GLCCI1: variants seen among roughly 807,000 people sequenced by gnomAD.
GLCCI1 encodes glucocorticoid induced 1, also known as glucocorticoid-induced transcript 1 protein.
Under a neutral mutation model 52.2 loss-of-function variants are expected in GLCCI1, and 24 were observed. The observed-to-expected ratio is 0.46, with a 90% CI of 0.33 to 0.65. The LOEUF is 0.65. Ranked by LOEUF, GLCCI1 falls within the 30% of genes least tolerant of loss-of-function variation. GLCCI1 has a pLI of 0.02. For synonymous variants in GLCCI1, 310 were observed against 276.5 expected (o/e 1.12, Z -1.20); for missense variants, 704 against 701.5 (o/e 1.00, Z -0.04).
At chr7:8,008,296 T>C (rs1327986849) in intron 2 of GLCCI1, among the ~76,000 whole-genome samples, 3 of 151,842 alleles carry the variant, frequency 2.0e-5, no homozygotes, top group African/African-American at 7.3e-5. Flanking sequence ...TCTTTTTTTT[T>C]TTTTTTTGAG....
At chr7:7,983,492 G>A (rs555633243) in intron 1 of GLCCI1, among the ~76,000 whole-genome samples, 1 of 152,044 alleles carries the variant, frequency 6.6e-6, no homozygotes, top group African/African-American at 2.4e-5. Flanking sequence ...TTATAACTCT[G>A]TATTCAAGGT....
intron 4 of GLCCI1, 61 bp downstream of exon 4, chr7:8,055,610 C>T: frequency 2.1e-6 from 2 of 962,760 alleles, no homozygotes; most frequent in Middle Eastern, 2.1e-4. Context: ...GAAGGGAATT[C>T]ATCATTTCAG....
At chr7:8,007,993 T>C (rs1199993807) in intron 2 of GLCCI1, among the ~76,000 whole-genome samples, 2 of 152,178 alleles carry the variant, frequency 1.3e-5, no homozygotes, top group African/African-American at 4.8e-5. Flanking sequence ...TATTTATATA[T>C]TAATGGTGTA....
chr7:8,029,235 C>T (rs184748094), intron 3 of GLCCI1, among the ~76,000 whole-genome samples: 2 of 152,162 alleles, frequency 1.3e-5, no homozygotes, highest in African/African-American at 4.8e-5. Context: ...TTCAGCAATA[C>T]TTTAAAAAGA....
intron 6 of GLCCI1, among the ~76,000 whole-genome samples, chr7:8,082,147 G>A (rs1783009326): frequency 1.3e-5 from 2 of 152,162 alleles, no homozygotes; most frequent in South Asian, 4.1e-4. Context: ...TTATTGAAAT[G>A]TGGCTATTAA....
In GLCCI1 at chr7:8,084,909, G is replaced by C; in HGVS notation, c.1190G>C (p.Ser397Thr). ...LYDRDKDSGSSSPLPKYASSP... is the reference protein window; with the variant it reads ...LYDRDKDSGSTSPLPKYASSP... ...TTTAAATTTACAGACAGTGGGAGTA[G>C]CTCACCGTTACCCAAGTATGCTTCA... The change falls in exon 7 of 8, where the codon AGC (serine) becomes ACC (threonine). Residue 397 changes from serine (S) to threonine (T), a missense_variant. By Grantham distance (58) the Ser-to-Thr change is moderately conservative (BLOSUM62 1). Around this residue, in one of 3 missense-constraint regions of GLCCI1, gnomAD observed 547 missense variants for 524.8 expected, o/e 1.04. Transcript: ENST00000223145. 1 of 1,614,024 alleles carries C rather than the reference G, an allele frequency of 6.2e-7. No homozygotes were observed. Among genetic ancestry groups the C allele is most frequent in the African/African-American group, 1.3e-5 (1 of 75,026 alleles).
chr7:8,008,189 C>A (rs1237825194), intron 2 of GLCCI1, among the ~76,000 whole-genome samples: 1 of 151,940 alleles, frequency 6.6e-6, no homozygotes. Flanking sequence ...TTTCTTGTAA[C>A]TGAAATTTTG....
chr7:7,985,939 T>G lies in GLCCI1; in HGVS notation c.457+16132T>G, dbSNP rs1350915665. On this transcript the variant is annotated intron_variant, in intron 1 of 7. Coordinates refer to ENST00000223145, the MANE Select transcript of GLCCI1 (RefSeq NM_138426.4). ...CATTGAAAAGTATAATTACTGCATTTCTATTGGCTGGAAATGAGTATTTTT... is the reference window on the plus strand; with the variant it reads ...CATTGAAAAGTATAATTACTGCATTGCTATTGGCTGGAAATGAGTATTTTT... Among the ~76,000 whole-genome samples the G allele has an allele frequency of 2.6e-5, 4 of 152,320 alleles. No individual in the cohort carries two copies. The East Asian group carries it at 7.7e-4, about 29-fold the overall frequency.
chr7:8,074,542 A>G (rs1244596689), intron 6 of GLCCI1, among the ~76,000 whole-genome samples: 8 of 152,186 alleles, frequency 5.3e-5, no homozygotes, highest in Admixed American at 3.3e-4. Flanking sequence ...AAAGTTAGCC[A>G]GGTATGGTGG....
At chr7:8,017,202 T>C (rs895904954) in intron 2 of GLCCI1, among the ~76,000 whole-genome samples, 5 of 152,224 alleles carry the variant, frequency 3.3e-5, no homozygotes, top group African/African-American at 9.6e-5. Flanking sequence ...GCACTATTTT[T>C]ATGACTTCAG....
intron 4 of GLCCI1, 22 bp from the exon 5 acceptor site, chr7:8,060,074 C>A: frequency 6.3e-7 from 1 of 1,579,850 alleles, no homozygotes; most frequent in Non-Finnish European, 8.6e-7. Flanking sequence ...TAATTTGATA[C>A]CACCTTTATC....
intron 6 of GLCCI1, among the ~76,000 whole-genome samples, chr7:8,081,686 T>C (rs1189075440): frequency 6.6e-6 from 1 of 152,212 alleles, no homozygotes; most frequent in Non-Finnish European, 1.5e-5. Context: ...AATTCCAAAC[T>C]TGAATAACTT....
rs1332435539 is a variant in GLCCI1, at chr7:7,970,184, C to G, written c.457+377C>G. On this transcript the variant is annotated intron_variant, in intron 1 of 7. Coordinates refer to ENST00000223145, the MANE Select transcript of GLCCI1 (RefSeq NM_138426.4). ...ATAAGGTGGCGGTTGTAATCTCTACCGTCTCTTTGTGCTTTTCTGCAAAGT... is the reference window on the plus strand; with the variant it reads ...ATAAGGTGGCGGTTGTAATCTCTACGGTCTCTTTGTGCTTTTCTGCAAAGT... Among the ~76,000 whole-genome samples the G allele has an allele frequency of 2.6e-5, 4 of 152,276 alleles. No individual in the cohort carries two copies. In the East Asian group the frequency reaches 5.8e-4, roughly 22 times the overall value.
intron 5 of GLCCI1, among the ~76,000 whole-genome samples, chr7:8,062,724 G>T (rs2127961631): frequency 6.6e-6 from 1 of 152,184 alleles, no homozygotes; most frequent in South Asian, 2.1e-4. Context: ...TATAGTATTT[G>T]GTTTTCTGTT....
chr7:7,978,782 C>G (rs73674757), intron 1 of GLCCI1, among the ~76,000 whole-genome samples: 20,814 of 152,078 alleles, frequency 0.14, 1,573 homozygotes, highest in East Asian at 0.21. Flanking sequence ...ATAATAAAAA[C>G]AGTAGGACTC....
At chr7:7,987,989 C>G (rs930695482) in intron 1 of GLCCI1, among the ~76,000 whole-genome samples, 1 of 152,128 alleles carries the variant, frequency 6.6e-6, no homozygotes, top group Non-Finnish European at 1.5e-5. Context: ...TTGAGAACAA[C>G]AGTACCAAGA....
chr7:8,085,067 T>C (rs756792892), intron 7 of GLCCI1, 50 bp downstream of exon 7: 93 of 1,605,540 alleles, frequency 5.8e-5, no homozygotes, highest in Non-Finnish European at 8.5e-7. Flanking sequence ...TGTAAAGCTT[T>C]TTACTGAGAC....
At position 8,009,404 on chromosome 7, in the gene GLCCI1, TAATAAA is replaced by T. The variant is rs1781217046; in HGVS notation, c.609+5351_609+5356del. Among the ~76,000 whole-genome samples the T allele has an allele frequency of 2.6e-5, 4 of 152,170 alleles. No homozygotes were observed. The South Asian group carries it at 8.3e-4, about 32-fold the overall frequency. On this transcript the variant is annotated intron_variant, in intron 2 of 7. Coordinates refer to ENST00000223145, the MANE Select transcript of GLCCI1 (RefSeq NM_138426.4). ...ATATATTCTTTGTAAAGTGGTCAAGTAATAAAAATAATATATACAGCAATAATCAGA... is the reference window on the plus strand; with the variant it reads ...ATATATTCTTTGTAAAGTGGTCAAGTAATAATATATACAGCAATAATCAGA...
intron 3 of GLCCI1, among the ~76,000 whole-genome samples, chr7:8,034,013 C>T (rs1583987850): frequency 6.6e-6 from 1 of 152,064 alleles, no homozygotes; most frequent in East Asian, 1.9e-4. Flanking sequence ...TTCCTGTGAA[C>T]CTACATTAAT....
Sources: allele counts gnomAD v4.1 joint callset (sites outside exome capture counted in the v4.1 genomes callset), GRCh38; gene constraint gnomAD v4.1.1; regional missense constraint gnomAD v4.1.1; transcripts MANE v1.5; gene names NCBI Gene and HGNC (gene_info 2026-07-23, HGNC 2026-07-21).